PPL: variants seen among roughly 807,000 people sequenced by gnomAD.
The protein encoded by PPL is periplakin, also known as 190 kDa paraneoplastic pemphigus antigen.
Under a neutral mutation model 194.4 loss-of-function variants are expected in PPL, and 198 were observed. The observed-to-expected ratio is 1.02, with a 90% CI of 0.91 to 1.15. The LOEUF (loss-of-function observed/expected upper bound fraction) is 1.15, where lower values mean the gene tolerates loss of function less well. Among genes scored for constraint, PPL ranks in the 50% most tolerant of loss-of-function variants. The probability of loss-of-function intolerance (pLI) is 0.00; values close to 1 mark genes in which losing one functional copy is unlikely to be tolerated. For missense variants in PPL, 2,885 were observed against 2,294.8 expected, an observed-to-expected ratio of 1.26 and a Z score of -5.25; for synonymous variants, 1,220 against 972.4, an observed-to-expected ratio of 1.25 and a Z score of -4.74.
Position 4,884,628 on chromosome 16 carries a change from GCTC to G in PPL, c.4024_4026del (p.Glu1342del), listed in dbSNP as rs751868717. The G allele has an allele frequency of 3.2e-5, 52 of 1,613,972 alleles. No individual in the cohort carries two copies. Among genetic ancestry groups the G allele is most frequent in the Non-Finnish European group, 3.9e-5 (46 of 1,180,024 alleles). On this transcript the variant is annotated inframe_deletion, in exon 22 of 22. Transcript: ENST00000345988. The surrounding 1 kb of genome is among the most constrained non-coding windows in gnomAD (Gnocchi z 5.7). ...ACCACCCTTTCCTTCACCCGCGAGA[GCTC>G]CTCCTCTTTCCGGGCGATCTGCTCT...
intron 13 of PPL, 69 bp downstream of exon 13, chr16:4,893,472 C>G: frequency 6.3e-7 from 1 of 1,597,644 alleles, no homozygotes; most frequent in Non-Finnish European, 8.5e-7. Context: ...TCATCCACAG[C>G]ACAGACCCTG....
intron 13 of PPL, 57 bp from the exon 14 acceptor site, chr16:4,893,427 C>T: frequency 6.3e-7 from 1 of 1,593,064 alleles, no homozygotes. Context: ...GTGTGAGGCC[C>T]AGGGATGGAC....
chr16:4,885,410 T>C lies in PPL; in HGVS notation c.3245A>G (p.Gln1082Arg). The change falls in exon 22 of 22, where the codon CAG becomes CGG. Residue 1082 changes from glutamine (Q) to arginine (R), a missense_variant. Gln to Arg is a conservative substitution (Grantham distance 43). Coordinates refer to ENST00000345988, the MANE Select transcript of PPL (RefSeq NM_002705.5). The surrounding 1 kb of genome is among the most constrained non-coding windows in gnomAD (Gnocchi z 6.3). Reference protein sequence around the residue: ...QLQEDHQRQDQLREKQEEELS... With the variant: ...QLQEDHQRQDRLREKQEEELS... ...CTCCTCCTCCTGCTTCTCCCTGAGC[T>C]GGTCCTGGCGCTGGTGGTCCTCCTG... The C allele has an allele frequency of 6.2e-7, 1 of 1,612,920 alleles. No homozygotes were observed. The highest frequency in any genetic ancestry group is 2.2e-5 in the East Asian group (1 of 44,848).
Position 4,890,761 on chromosome 16 carries a change from C to T in PPL, c.2129G>A (p.Arg710His), listed in dbSNP as rs147361701. Residue 710 changes from arginine to histidine, a missense_variant, in exon 17 of 22, where the codon CGT becomes CAT. Coordinates refer to ENST00000345988, the MANE Select transcript of PPL (RefSeq NM_002705.5). Reference protein sequence around the residue: ...QEAEVHKLGQRFNNLRQQVER... With the variant: ...QEAEVHKLGQHFNNLRQQVER... ...CACCTGCTGGCGCAGGTTGTTGAAACGCTGGCCCAGCTTGTGCACCTCGGC... is the reference window on the plus strand; with the variant it reads ...CACCTGCTGGCGCAGGTTGTTGAAATGCTGGCCCAGCTTGTGCACCTCGGC... 1.1e-5 allele frequency: 18 copies of T among 1,609,384 alleles called. No individual in the cohort carries two copies. The highest frequency in any genetic ancestry group is 4.5e-5 in the East Asian group (2 of 44,816).
intron 9 of PPL, 104 bp downstream of exon 9, chr16:4,897,571 C>T: frequency 1.1e-6 from 1 of 879,644 alleles, no homozygotes; most frequent in East Asian, 2.6e-5. Flanking sequence ...CCGCAAGGCT[C>T]CTGGACCAAG....
chr16:4,912,937 C>G (rs961263985), intron 1 of PPL, among the ~76,000 whole-genome samples: 12 of 152,160 alleles, frequency 7.9e-5, no homozygotes, highest in Non-Finnish European at 4.4e-5. Flanking sequence ...AACCCCATCT[C>G]TACTAAAAAT....
chr16:4,932,272 G>A (rs1482394806), intron 1 of PPL, among the ~76,000 whole-genome samples: 3 of 152,114 alleles, frequency 2.0e-5, no homozygotes, highest in Non-Finnish European at 2.9e-5. Context: ...ATGGCGGGGC[G>A]GCTCTCTCTA....
intron 1 of PPL, among the ~76,000 whole-genome samples, chr16:4,914,903 G>A (rs1285879764): frequency 6.6e-6 from 1 of 152,174 alleles, no homozygotes; most frequent in Non-Finnish European, 1.5e-5. Context: ...CATGGAGAAT[G>A]TGAGTTTCTG....
chr16:4,883,482 G>C lies in PPL; in HGVS notation c.5173C>G (p.Leu1725Val). 6.2e-7 allele frequency: 1 copy of C among 1,614,214 alleles called. No individual in the cohort carries two copies. Among genetic ancestry groups the C allele is most frequent in the Non-Finnish European group, 8.5e-7 (1 of 1,180,036 alleles). Reference sequence around the variant, plus strand: ...GCAGGGGTCAGCCTGCCACTCTGCAGGGCCTCTTCGATGGAGAACTTCTTG... The same window carrying C: ...GCAGGGGTCAGCCTGCCACTCTGCACGGCCTCTTCGATGGAGAACTTCTTG... ...SGKKFSIEEALQSGRLTPAQY... is the reference protein window; with the variant it reads ...SGKKFSIEEAVQSGRLTPAQY... Residue 1725 changes from leucine to valine, a missense_variant, in exon 22 of 22, where the codon CTG becomes GTG. By Grantham distance (32) the Leu-to-Val change is conservative (BLOSUM62 1). Transcript: ENST00000345988. This position sits in a 1 kb window ranked among gnomAD's most constrained non-coding sequence, Gnocchi z 4.8.
rs759454282 is a variant in PPL at position 4,884,297 on chromosome 16, G to GGGTCCTGCTGCA, written c.4346_4357dup (p.Leu1449_Asp1452dup). The GGGTCCTGCTGCA allele has an allele frequency of 4.3e-6, 7 of 1,611,124 alleles. No homozygotes were observed. The highest frequency in any genetic ancestry group is 2.2e-5 in the South Asian group (2 of 91,040). On this transcript the variant is annotated inframe_insertion, in exon 22 of 22. Transcript: ENST00000345988. This position sits in a 1 kb window ranked among gnomAD's most constrained non-coding sequence, Gnocchi z 5.7. The stretch of plus-strand genomic sequence containing the variant: ...CAGGGCATGCTCTCGCGCCTGCTGC[G>GGGTCCTGCTGCA]GGTCCTGCTGCAGCACCACCTTCTG...
At chr16:4,922,909 G>A (rs903894596) in intron 1 of PPL, among the ~76,000 whole-genome samples, 1 of 152,294 alleles carries the variant, frequency 6.6e-6, no homozygotes, top group South Asian at 2.1e-4. Context: ...GCGAGGAGAG[G>A]CTGGTGCCCA....
At chr16:4,933,884 C>T (rs180688395) in intron 1 of PPL, among the ~76,000 whole-genome samples, 2 of 152,326 alleles carry the variant, frequency 1.3e-5, no homozygotes, top group South Asian at 2.1e-4. Flanking sequence ...CTAGCTTGCC[C>T]GCATTTGCTT....
intron 3 of PPL, 111 bp downstream of exon 3, chr16:4,903,775 A>T: frequency 7.7e-7 from 1 of 1,306,488 alleles, no homozygotes; most frequent in Non-Finnish European, 1.1e-6. Context: ...CCTGGCACCT[A>T]ATTAGCCCTT....
At chr16:4,926,869 A>C (rs2089162920) in intron 1 of PPL, among the ~76,000 whole-genome samples, 2 of 100,946 alleles carry the variant, frequency 2.0e-5, no homozygotes, top group African/African-American at 3.6e-5. Flanking sequence ...ACAGAGCAAG[A>C]CTCTGTCTCA....
intron 1 of PPL, among the ~76,000 whole-genome samples, chr16:4,931,982 C>T (rs577883596): frequency 5.9e-5 from 9 of 152,140 alleles, no homozygotes; most frequent in Non-Finnish European, 1.2e-4. Context: ...GAGGGGGTTG[C>T]TGGGGGTAGA....
At chr16:4,889,107 TAAA>T in intron 18 of PPL, 46 bp from the exon 19 acceptor site, 2 of 1,528,408 alleles carry the variant, frequency 1.3e-6, no homozygotes, top group Non-Finnish European at 9.1e-7. Flanking sequence ...AAAAAAAATT[TAAA>T]AAAGCAACCA....
At chr16:4,904,108 G>A (rs188021890) in intron 2 of PPL, 68 bp from the exon 3 acceptor site, 2 of 1,520,272 alleles carry the variant, frequency 1.3e-6, no homozygotes, top group Admixed American at 1.9e-5. Context: ...AATGGGAGGG[G>A]TGGGAGGAAA....
Position 4,890,938 on chromosome 16 carries a change from G to A in PPL, c.1969-17C>T. ...GGCCATGGCCTGGCGGGGCAGAGGA[G>A]GAGACGGCGGTGCTACGGCCAGAGC... On this transcript the variant is annotated splice_polypyrimidine_tract_variant and intron_variant, in intron 16 of 21. Coordinates refer to ENST00000345988, the MANE Select transcript of PPL (RefSeq NM_002705.5). 2 of 1,499,726 alleles carry A rather than the reference G, an allele frequency of 1.3e-6. No homozygotes were observed. The highest frequency in any genetic ancestry group is 1.8e-6 in the Non-Finnish European group (2 of 1,118,224). The allele number at this position is 1,499,726 out of a possible 1,614,324, so 92.9% of individuals were successfully genotyped here.
chr16:4,893,331 A>G lies in PPL; in HGVS notation c.1532T>C (p.Leu511Ser). The G allele has an allele frequency of 6.2e-7, 1 of 1,608,510 alleles. No homozygotes were observed. The highest frequency in any genetic ancestry group is 8.5e-7 in the Non-Finnish European group (1 of 1,179,744). Residue 511 changes from leucine (L) to serine (S), a missense_variant, in exon 14 of 22, where the codon TTG (leucine) becomes TCG (serine). Physicochemically the swap from Leu to Ser is moderately radical, Grantham distance 145. Transcript: ENST00000345988. The stretch of plus-strand genomic sequence containing the variant: ...GTCCAGGTCGCTGGCCACCTTGTCC[A>G]AGCCAGCCAGCAGCTGCCGCCCCTG... The part of the protein sequence containing the change: ...DLQGRQLLAG[L>S]DKVASDLDRQ...
Sources: gnomAD v4.1 joint callset for allele counts (sites outside exome capture counted in the v4.1 genomes callset) on GRCh38, gnomAD v4.1.1 for gene constraint, Gnocchi (gnomAD v3.1) non-coding constraint, MANE v1.5 for transcripts, NCBI Gene and HGNC (gene_info 2026-07-23, HGNC 2026-07-21) for gene names.